FAM193A: variants seen among roughly 807,000 people sequenced by gnomAD.
The protein encoded by FAM193A is protein FAM193A.
Under a neutral mutation model 126.5 loss-of-function variants are expected in FAM193A, and 22 were observed. That is an observed-to-expected ratio of 0.17 (90% CI 0.12 to 0.25). The LOEUF (loss-of-function observed/expected upper bound fraction) is 0.25, where lower values mean the gene tolerates loss of function less well. Ranked by LOEUF, FAM193A falls within the 10% of genes least tolerant of loss-of-function variation. The pLI is 1.00. For missense variants in FAM193A, 1,675 were observed against 1,672.8 expected (o/e 1.00, Z -0.02); for synonymous variants, 761 against 646.8 (o/e 1.18, Z -2.68).
At chr4:2,717,804 C>T (rs553205295) in intron 20 of FAM193A, among the ~76,000 whole-genome samples, 1 of 151,518 alleles carries the variant, frequency 6.6e-6, no homozygotes, top group Non-Finnish European at 1.5e-5. Flanking sequence ...CAGGCGCCTG[C>T]CACCACGCCC....
chr4:2,714,805 G>A (rs1719364812), intron 19 of FAM193A, among the ~76,000 whole-genome samples: 1 of 152,130 alleles, frequency 6.6e-6, no homozygotes, highest in African/African-American at 2.4e-5. Flanking sequence ...CCCGTGTTGA[G>A]GGCTGCAGGG....
Position 2,672,356 on chromosome 4 carries a change from C to A in FAM193A, c.2315C>A (p.Pro772His), listed in dbSNP as rs187661037. The A allele has an allele frequency of 3.1e-6, 5 of 1,614,208 alleles. No homozygotes were observed. The highest frequency in any genetic ancestry group is 4.2e-6 in the Non-Finnish European group (5 of 1,180,038). The change falls in exon 13 of 21, where the codon CCC (proline) becomes CAC (histidine). Residue 772 changes from proline to histidine, a missense_variant. This residue lies in a region of FAM193A where 1,186 missense variants were observed against 1,109.2 expected (regional missense o/e 1.07). Coordinates refer to ENST00000637812, the MANE Select transcript of FAM193A (RefSeq NM_001366318.2). ...CACCCCACCTTGTATGCAACGCCCCCCTTCACACACAGTAAGGTAAGTCAG... is the reference window on the plus strand; with the variant it reads ...CACCCCACCTTGTATGCAACGCCCCACTTCACACACAGTAAGGTAAGTCAG... ...LIHPTLYATP[P>H]FTHSKALPPA...
At chr4:2,682,064 A>C (rs1172277515) in intron 13 of FAM193A, among the ~76,000 whole-genome samples, 2 of 143,670 alleles carry the variant, frequency 1.4e-5, no homozygotes, top group East Asian at 4.1e-4. Flanking sequence ...GGCTCACTGC[A>C]AGCTCCACCT....
intron 2 of FAM193A, among the ~76,000 whole-genome samples, chr4:2,596,839 C>T (rs1353889196): frequency 1.3e-5 from 2 of 152,200 alleles, no homozygotes; most frequent in Non-Finnish European, 2.9e-5. Context: ...CAGGCTTTCA[C>T]ATGTACTGTT....
intron 20 of FAM193A, among the ~76,000 whole-genome samples, chr4:2,721,330 A>G (rs1720127123): frequency 6.8e-6 from 1 of 147,274 alleles, no homozygotes; most frequent in African/African-American, 2.5e-5. Flanking sequence ...AAAAAAAAAA[A>G]AAAAAAAAAA....
intron 12 of FAM193A, among the ~76,000 whole-genome samples, chr4:2,670,972 C>T (rs887762930): frequency 1.2e-4 from 19 of 152,092 alleles, no homozygotes; most frequent in Non-Finnish European, 1.9e-4. Context: ...CAGCTTACTT[C>T]TTCTCTTCTC....
intron 1 of FAM193A, among the ~76,000 whole-genome samples, chr4:2,579,482 A>T (rs1739797573): frequency 6.6e-6 from 1 of 152,090 alleles, no homozygotes; most frequent in African/African-American, 2.4e-5. Flanking sequence ...AGGATCACTT[A>T]AACCCAGGCG....
At chr4:2,654,866 A>G (rs1159366164) in intron 7 of FAM193A, 2 of 438,066 alleles carry the variant, frequency 4.6e-6, no homozygotes, top group African/African-American at 3.9e-5. Context: ...TGTTTAAAGC[A>G]TTCATGCTGG....
At chr4:2,574,989 C>T (rs1577026953) in intron 1 of FAM193A, among the ~76,000 whole-genome samples, 1 of 152,290 alleles carries the variant, frequency 6.6e-6, no homozygotes, top group African/African-American at 2.4e-5. Flanking sequence ...TGTTGGCTCA[C>T]ACTCCTCTAA....
rs138284421 is a variant in FAM193A, at chr4:2,578,169, A to G, written c.256-17915A>G. On this transcript the variant is annotated intron_variant, in intron 1 of 20. Transcript: ENST00000637812. Reference sequence around the variant, plus strand: ...CAGCCTTGACTTCCCGGGCTTAAGCAATTTTCCCACCTCAGCCTCCTTGAG... The same window carrying G: ...CAGCCTTGACTTCCCGGGCTTAAGCGATTTTCCCACCTCAGCCTCCTTGAG... Among the ~76,000 whole-genome samples, 13 of 152,210 alleles carry G rather than the reference A, an allele frequency of 8.5e-5. No homozygotes were observed. The East Asian group carries it at 2.5e-3, about 29-fold the overall frequency.
chr4:2,711,282 T>G (rs1252180348), intron 19 of FAM193A, among the ~76,000 whole-genome samples: 2 of 152,160 alleles, frequency 1.3e-5, no homozygotes, highest in Non-Finnish European at 2.9e-5. Flanking sequence ...CCTCTGATCT[T>G]TTTCTTAACA....
intron 2 of FAM193A, among the ~76,000 whole-genome samples, chr4:2,611,408 A>G (rs1380067235): frequency 6.6e-6 from 1 of 151,896 alleles, no homozygotes; most frequent in Non-Finnish European, 1.5e-5. Context: ...AGCTGGGACT[A>G]CAGGCGCCAG....
chr4:2,591,505 C>T (rs926455617), intron 1 of FAM193A, among the ~76,000 whole-genome samples: 7 of 152,114 alleles, frequency 4.6e-5, no homozygotes, highest in Non-Finnish European at 7.4e-5. Flanking sequence ...GAGGTGGCAG[C>T]GTCACCAGCA....
chr4:2,726,438 C>T (rs1174411076), intron 20 of FAM193A, among the ~76,000 whole-genome samples: 1 of 152,026 alleles, frequency 6.6e-6, no homozygotes, highest in Admixed American at 6.6e-5. Flanking sequence ...TCTAAAGAGG[C>T]AAGAGATTTG....
intron 1 of FAM193A, among the ~76,000 whole-genome samples, chr4:2,539,546 C>T (rs1033527250): frequency 2.1e-4 from 32 of 150,518 alleles, no homozygotes; most frequent in Non-Finnish European, 4.6e-4. Context: ...AGCTAGGCCT[C>T]TAGGTATGTG....
At chr4:2,712,450 C>T (rs1224096711) in intron 19 of FAM193A, among the ~76,000 whole-genome samples, 3 of 152,180 alleles carry the variant, frequency 2.0e-5, no homozygotes, top group South Asian at 2.1e-4. Flanking sequence ...ACCTTCTGGT[C>T]GTGCTTTGTG....
At chr4:2,697,781 C>T (rs1717200149) in intron 18 of FAM193A, among the ~76,000 whole-genome samples, 1 of 152,230 alleles carries the variant, frequency 6.6e-6, no homozygotes, top group Non-Finnish European at 1.5e-5. Context: ...TCCCGTGCCC[C>T]AGAAGACTAG....
At chr4:2,606,916 A>C (rs545489704) in intron 2 of FAM193A, among the ~76,000 whole-genome samples, 90 of 152,210 alleles carry the variant, frequency 5.9e-4, no homozygotes, top group Non-Finnish European at 1.2e-3. Flanking sequence ...TATTGGTCAC[A>C]AATAGTGCCA....
At chr4:2,644,872 A>G (rs1744975089) in intron 6 of FAM193A, among the ~76,000 whole-genome samples, 1 of 152,244 alleles carries the variant, frequency 6.6e-6, no homozygotes, top group African/African-American at 2.4e-5. Flanking sequence ...TTATGAAAAT[A>G]TAGAAAATCG....
Sources: gnomAD v4.1 joint callset for allele counts (sites outside exome capture counted in the v4.1 genomes callset) on GRCh38, gnomAD v4.1.1 for gene constraint, gnomAD v4.1.1 regional missense constraint, MANE v1.5 for transcripts, NCBI Gene and HGNC (gene_info 2026-07-23, HGNC 2026-07-21) for gene names.